Variants in PARG observed in about 807,000 individuals in gnomAD.
PARG encodes poly(ADP-ribose) glycohydrolase.
PARG carries 35 observed loss-of-function variants against 113.0 expected under a neutral mutation model. That is an observed-to-expected ratio of 0.31 (90% CI 0.24 to 0.41). The LOEUF is 0.41. Ranked by LOEUF, PARG falls within the 10% of genes least tolerant of loss-of-function variation. PARG has a pLI of 1.00. For synonymous variants in PARG, 330 were observed against 409.9 expected (o/e 0.81, Z 2.36); for missense variants, 797 against 1,169.4 (o/e 0.68, Z 4.64).
In PARG at chr10:49,843,545, C is replaced by T; in HGVS notation, c.2432+9G>A. The T allele has an allele frequency of 6.5e-7, 1 of 1,537,994 alleles. No individual in the cohort carries two copies. Among genetic ancestry groups the T allele is most frequent in the South Asian group, 1.2e-5 (1 of 83,788 alleles). On this transcript the variant is annotated intron_variant, in intron 14 of 17. Coordinates refer to ENST00000616448, the MANE Select transcript of PARG (RefSeq NM_003631.5). ...AGCCATGGAATACTGAAGACAGAAA[C>T]AGACTCACCTTTCACTCCCATCTTC...
At chr10:49,881,886 C>G (rs1847234168) in intron 8 of PARG, among the ~76,000 whole-genome samples, 1 of 152,180 alleles carries the variant, frequency 6.6e-6, no homozygotes, top group Admixed American at 6.5e-5. Flanking sequence ...TCATATTGAT[C>G]TCCATTTTCC....
chr10:49,906,144 C>CTTTTTTT (rs71471360), intron 7 of PARG, among the ~76,000 whole-genome samples: 7,503 of 110,466 alleles, frequency 0.068, 357 homozygotes, highest in African/African-American at 0.12. Context: ...GATGCTGCCG[C>CTTTTTTT]TTTTTTTTTT....
intron 15 of PARG, among the ~76,000 whole-genome samples, chr10:49,838,596 T>C (rs1489578097): frequency 3.9e-5 from 6 of 152,130 alleles, no homozygotes; most frequent in Non-Finnish European, 8.8e-5. Flanking sequence ...AAAATAGTTA[T>C]GCCTCCCTGA....
In PARG at chr10:49,934,091, G is replaced by A. The variant is rs1207348841; in HGVS notation, c.357C>T (p.Tyr119=). ...TTTCTAATTTTTCTACATTATGTTG[G>A]TAAAAGTTATCTTTTTGTACAGAAC... ...MMSSVQKDNF[Y]QHNVEKLENV... Residue 119 remains tyrosine (Y), a synonymous_variant, in exon 3 of 18, where the codon TAC becomes TAT. Transcript: ENST00000616448. 79 of 1,433,184 alleles carry A rather than the reference G, an allele frequency of 5.5e-5. No individual in the cohort carries two copies. The highest frequency in any genetic ancestry group is 7.6e-5 in the Non-Finnish European group (77 of 1,014,858). The allele number at this position is 1,433,184 out of a possible 1,614,324, so 88.8% of individuals were successfully genotyped here.
intron 13 of PARG, among the ~76,000 whole-genome samples, chr10:49,850,543 C>A (rs1412927229): frequency 7.9e-5 from 12 of 152,148 alleles, no homozygotes; most frequent in Admixed American, 7.9e-4. Context: ...GGTCTACTTG[C>A]CTGATAGGAA....
chr10:49,882,608 C>A (rs1341943930), intron 8 of PARG, among the ~76,000 whole-genome samples: 1 of 152,076 alleles, frequency 6.6e-6, no homozygotes, highest in Non-Finnish European at 1.5e-5. Context: ...AAGTTAGATA[C>A]CTTTGAACAA....
At chr10:49,893,983 C>A (rs1847946573) in intron 7 of PARG, among the ~76,000 whole-genome samples, 1 of 152,092 alleles carries the variant, frequency 6.6e-6, no homozygotes, top group Non-Finnish European at 1.5e-5. Context: ...CAAGTGTGAG[C>A]CACCATGCCC....
chr10:49,915,989 A>T lies in PARG; in HGVS notation c.1665T>A (p.Asp555Glu), dbSNP rs1837451321. The T allele has an allele frequency of 4.6e-6, 7 of 1,531,524 alleles. No homozygotes were observed. Among genetic ancestry groups the T allele is most frequent in the Non-Finnish European group, 5.3e-6 (6 of 1,128,632 alleles). 94.9% of individuals were successfully genotyped at this position (1,531,524 alleles called of 1,614,324 possible). Residue 555 changes from aspartate (D) to glutamate (E), a missense_variant and splice_region_variant, in exon 7 of 18, where the codon GAT becomes GAA. Physicochemically the swap from Asp to Glu is conservative, Grantham distance 45 (BLOSUM62 2). This residue lies in a region of PARG where 252 missense variants were observed against 437.4 expected (regional missense o/e 0.58). Coordinates refer to ENST00000616448, the MANE Select transcript of PARG (RefSeq NM_003631.5). ...NKFTRPQNLKDAILKYNVAYS... is the reference protein window; with the variant it reads ...NKFTRPQNLKEAILKYNVAYS... ...ATGCCACATTGTATTTCAGAATAGCATCCTGTGGAAAATGCAGAAACAAAA... is the reference window on the plus strand; with the variant it reads ...ATGCCACATTGTATTTCAGAATAGCTTCCTGTGGAAAATGCAGAAACAAAA...
chr10:49,905,150 T>C (rs1474784553), intron 7 of PARG, among the ~76,000 whole-genome samples: 2 of 152,308 alleles, frequency 1.3e-5, no homozygotes, highest in African/African-American at 2.4e-5. Context: ...GCATGAGGTA[T>C]GTTGAAACCC....
intron 15 of PARG, among the ~76,000 whole-genome samples, chr10:49,838,078 A>G (rs1359683393): frequency 2.6e-5 from 4 of 152,226 alleles, no homozygotes; most frequent in Non-Finnish European, 5.9e-5. Context: ...TTGAACCACA[A>G]AAAGTCTAGA....
intron 15 of PARG, among the ~76,000 whole-genome samples, chr10:49,836,307 C>CT (rs1168567519): frequency 0.16 from 7,505 of 47,796 alleles, 2,782 homozygotes; most frequent in East Asian, 0.31. Context: ...TTTCTTACGA[C>CT]TTTTTTTTTT....
intron 7 of PARG, among the ~76,000 whole-genome samples, chr10:49,913,366 T>A (rs542925434): frequency 2.5e-4 from 38 of 152,334 alleles, no homozygotes; most frequent in Non-Finnish European, 4.1e-4. Context: ...AACACAGGAA[T>A]GGATGAGCAG....
At chr10:49,849,690 C>G (rs554216175) in intron 13 of PARG, among the ~76,000 whole-genome samples, 1 of 152,166 alleles carries the variant, frequency 6.6e-6, no homozygotes, top group Non-Finnish European at 1.5e-5. Flanking sequence ...GACTCCCTCA[C>G]TAGACTCTCA....
chr10:49,920,554 A>G (rs549597358), intron 6 of PARG, among the ~76,000 whole-genome samples: 217 of 143,848 alleles, frequency 1.5e-3, no homozygotes, highest in Non-Finnish European at 2.2e-3. Flanking sequence ...ATATATATAC[A>G]TATATACGTA....
chr10:49,899,253 A>G (rs1205469362), intron 7 of PARG, among the ~76,000 whole-genome samples: 1 of 152,222 alleles, frequency 6.6e-6, no homozygotes, highest in Admixed American at 6.5e-5. Flanking sequence ...TCACATTTCA[A>G]AAATTAAAAG....
chr10:49,851,931 C>T (rs1490130860), intron 13 of PARG, among the ~76,000 whole-genome samples: 4 of 149,914 alleles, frequency 2.7e-5, no homozygotes, highest in Non-Finnish European at 5.9e-5. Flanking sequence ...AAGTATTTGC[C>T]TGTTTGCATG....
intron 7 of PARG, among the ~76,000 whole-genome samples, chr10:49,894,844 A>T (rs1282158208): frequency 6.6e-6 from 1 of 152,206 alleles, no homozygotes; most frequent in African/African-American, 2.4e-5. Context: ...ACAGTTCTGG[A>T]GTCTAGAAAT....
At chr10:49,921,756 T>C (rs1837885906) in intron 6 of PARG, among the ~76,000 whole-genome samples, 1 of 151,904 alleles carries the variant, frequency 6.6e-6, no homozygotes, top group African/African-American at 2.4e-5. Context: ...AATATATATA[T>C]ATACACACAC....
intron 4 of PARG, among the ~76,000 whole-genome samples, chr10:49,926,833 A>T (rs1431149801): frequency 2.6e-5 from 4 of 152,202 alleles, no homozygotes; most frequent in Admixed American, 2.6e-4. Context: ...GCCTTTAAAA[A>T]ATCTTGCTTG....
Sources: allele counts gnomAD v4.1 joint callset (sites outside exome capture counted in the v4.1 genomes callset), GRCh38; gene constraint gnomAD v4.1.1; regional missense constraint gnomAD v4.1.1; transcripts MANE v1.5; gene names NCBI Gene and HGNC (gene_info 2026-07-23, HGNC 2026-07-21).